Variants in ITGAL observed in about 807,000 individuals in gnomAD.
ITGAL encodes integrin alpha-L.
A neutral mutation model predicts 138.4 loss-of-function variants in ITGAL; 68 were observed. That is an observed-to-expected ratio of 0.49 (90% confidence interval 0.40 to 0.60). ITGAL has a LOEUF of 0.60. ITGAL is among the 20% of genes least tolerant of loss of function. ITGAL has a pLI of 0.00. For missense variants in ITGAL, 1,256 were observed against 1,478.6 expected (o/e 0.85, Z 2.47); for synonymous variants, 561 against 584.3 (o/e 0.96, Z 0.57).
chr16:30,506,484 G>A (rs550679942), intron 20 of ITGAL, among the ~76,000 whole-genome samples: 9 of 142,438 alleles, frequency 6.3e-5, no homozygotes, highest in Non-Finnish European at 1.1e-4. Context: ...GCGTGAACCC[G>A]GGAGGCGGAG....
At chr16:30,497,311 C>T (rs1405340340) in intron 15 of ITGAL, among the ~76,000 whole-genome samples, 1 of 151,240 alleles carries the variant, frequency 6.6e-6, no homozygotes, top group Non-Finnish European at 1.5e-5. Flanking sequence ...CCCCTGCACT[C>T]CAGCCTGGGT....
chr16:30,521,415 A>G, intron 30 of ITGAL, 77 bp from the exon 31 acceptor site: 1 of 1,400,376 alleles, frequency 7.1e-7, no homozygotes, highest in Non-Finnish European at 9.8e-7. Context: ...TCAAAAAAAA[A>G]AAAAGTGTTC....
At chr16:30,502,301 G>A (rs972870439) in intron 17 of ITGAL, among the ~76,000 whole-genome samples, 8 of 150,438 alleles carry the variant, frequency 5.3e-5, no homozygotes, top group African/African-American at 1.7e-4. Flanking sequence ...GGAGGCTGAG[G>A]CAGGAGAATG....
chr16:30,501,438 G>A (rs533566383), intron 17 of ITGAL, among the ~76,000 whole-genome samples: 10 of 151,926 alleles, frequency 6.6e-5, no homozygotes, highest in South Asian at 4.2e-4. Context: ...TTAGCTGGGC[G>A]TGGTGGCCCA....
At position 30,518,642 on chromosome 16, in the gene ITGAL, C is replaced by A; in HGVS notation, c.3151C>A (p.Leu1051Ile). The change falls in exon 29 of 31, where the codon CTC (leucine) becomes ATC (isoleucine). Residue 1051 changes from leucine (L) to isoleucine (I), a missense_variant. Coordinates refer to ENST00000356798, the MANE Select transcript of ITGAL (RefSeq NM_002209.3). The stretch of plus-strand genomic sequence containing the variant: ...CCCACAGGCCTCTTCCATGTTCAGC[C>A]TCTGCAGCTCCCTCTCCATCTCCTT... ...GEIEASSMFS[L>I]CSSLSISFNS... is the part of the protein sequence containing the mutation. The A allele has an allele frequency of 1.2e-6, 2 of 1,613,868 alleles. No homozygotes were observed. Among genetic ancestry groups the A allele is most frequent in the South Asian group, 1.1e-5 (1 of 91,074 alleles).
chr16:30,472,929 A>G, intron 1 of ITGAL, 31 bp downstream of exon 1: 3 of 1,601,904 alleles, frequency 1.9e-6, no homozygotes, highest in Non-Finnish European at 2.6e-6. Context: ...GGGAAGGGAC[A>G]TGTGTCTGTG....
At chr16:30,518,782 C>T in intron 29 of ITGAL, 63 bp downstream of exon 29, 1 of 1,248,856 alleles carries the variant, frequency 8.0e-7, no homozygotes, top group South Asian at 1.2e-5. Flanking sequence ...AGCCCCAGGG[C>T]AGACCTAGAT....
At position 30,499,736 on chromosome 16, in the gene ITGAL, T is replaced by A. The variant is rs1425077311; in HGVS notation, c.2145+247T>A. ...ATGTATATATATATATATATATATT[T>A]TTTTTTTTTTGACACAGAGTCTCGC... On this transcript the variant is annotated intron_variant, in intron 17 of 30. Transcript: ENST00000356798. Among the ~76,000 whole-genome samples the A allele has an allele frequency of 2.5e-4, 35 of 138,598 alleles. 1 individual carries two copies. Among genetic ancestry groups the A allele is most frequent in the Non-Finnish European group, 4.6e-4 (30 of 65,442 alleles). 90.9% of individuals were successfully genotyped at this position (138,598 alleles called of 152,430 possible).
intron 3 of ITGAL, 28 bp downstream of exon 3, chr16:30,475,428 G>T (rs1365912687): frequency 6.2e-7 from 1 of 1,606,384 alleles, no homozygotes; most frequent in Non-Finnish European, 8.5e-7. Flanking sequence ...GAGCTGGGAG[G>T]AATGGGATCT....
intron 2 of ITGAL, 37 bp from the exon 3 acceptor site, chr16:30,475,269 T>C (rs752382625): frequency 6.7e-7 from 1 of 1,486,740 alleles, no homozygotes; most frequent in Non-Finnish European, 9.4e-7. Flanking sequence ...GGTACAGATC[T>C]GGGCCACTCC....
intron 17 of ITGAL, among the ~76,000 whole-genome samples, chr16:30,501,788 TGA>T (rs2050903080): frequency 6.6e-6 from 1 of 151,818 alleles, no homozygotes; most frequent in Admixed American, 6.6e-5. Context: ...GCCAGCACTT[TGA>T]GAGGCTGAAG....
At chr16:30,502,140 C>A (rs914658000) in intron 17 of ITGAL, among the ~76,000 whole-genome samples, 4 of 152,046 alleles carry the variant, frequency 2.6e-5, no homozygotes, top group African/African-American at 4.8e-5. Context: ...GCTCACGCCT[C>A]TAATCCCAGC....
chr16:30,479,222 GA>G lies in ITGAL; in HGVS notation c.445+15del. On this transcript the variant is annotated intron_variant, in intron 5 of 30. Coordinates refer to ENST00000356798, the MANE Select transcript of ITGAL (RefSeq NM_002209.3). ...CTGGTTTTCAGGGTAAGGAACTGGG[GA>G]CTCATTGGGTAAAAATACCTCCAAA... 6.2e-7 allele frequency: 1 copy of G among 1,613,554 alleles called. No homozygotes were observed. The highest frequency in any genetic ancestry group is 8.5e-7 in the Non-Finnish European group (1 of 1,179,576).
intron 25 of ITGAL, among the ~76,000 whole-genome samples, chr16:30,515,529 A>G (rs1480710115): frequency 2.0e-5 from 3 of 152,094 alleles, no homozygotes; most frequent in African/African-American, 7.2e-5. Context: ...TCCAGGCCCC[A>G]TAGTGTGATC....
chr16:30,493,021 G>T (rs2050745719), intron 11 of ITGAL, among the ~76,000 whole-genome samples: 1 of 151,750 alleles, frequency 6.6e-6, no homozygotes, highest in South Asian at 2.1e-4. Flanking sequence ...TAGTACCTGG[G>T]ATCACAGGTG....
At chr16:30,507,490 A>C (rs950352874) in intron 21 of ITGAL, among the ~76,000 whole-genome samples, 27 of 151,186 alleles carry the variant, frequency 1.8e-4, no homozygotes, top group South Asian at 4.2e-4. Context: ...CAAAAAAAAA[A>C]CCCACAAAAA....
intron 11 of ITGAL, among the ~76,000 whole-genome samples, chr16:30,490,639 G>T (rs1397455967): frequency 6.6e-6 from 1 of 152,064 alleles, no homozygotes; most frequent in Non-Finnish European, 1.5e-5. Flanking sequence ...TGTATCATCA[G>T]TCACACCTAT....
At chr16:30,492,779 C>T (rs949388424) in intron 11 of ITGAL, among the ~76,000 whole-genome samples, 3 of 146,676 alleles carry the variant, frequency 2.0e-5, no homozygotes, top group Admixed American at 6.9e-5. Flanking sequence ...CTCCTGACCT[C>T]GTGATCCGCC....
chr16:30,505,562 C>A (rs1269255409), intron 20 of ITGAL, 100 bp downstream of exon 20: 4 of 889,406 alleles, frequency 4.5e-6, no homozygotes, highest in Admixed American at 2.1e-5. Context: ...ACTTCCCTCT[C>A]TTGGGCCTTA....
Sources: gnomAD v4.1 joint callset for allele counts (sites outside exome capture counted in the v4.1 genomes callset) on GRCh38, gnomAD v4.1.1 for gene constraint, MANE v1.5 for transcripts, NCBI Gene and HGNC (gene_info 2026-07-23, HGNC 2026-07-21) for gene names.